Variants in KMT2C observed in about 807,000 individuals in gnomAD.
KMT2C encodes histone-lysine N-methyltransferase 2C.
In KMT2C, 88 loss-of-function variants were observed where a neutral mutation model predicts 507.9. That is an observed-to-expected ratio of 0.17 (90% CI 0.15 to 0.21). The LOEUF (loss-of-function observed/expected upper bound fraction) is 0.21. Ranked by LOEUF, KMT2C falls within the 10% of genes least tolerant of loss-of-function variation. The pLI is 1.00. For missense variants in KMT2C, 4,954 were observed against 5,957.8 expected, an observed-to-expected ratio of 0.83 and a Z score of 5.55; for synonymous variants, 2,049 against 2,080.8, an observed-to-expected ratio of 0.98 and a Z score of 0.42.
chr7:152,323,192 C>G (rs142478948), intron 3 of KMT2C, among the ~76,000 whole-genome samples: 7 of 151,988 alleles, frequency 4.6e-5, no homozygotes, highest in African/African-American at 1.7e-4. Flanking sequence ...TCCAAAGGAA[C>G]TGAAATCAAT....
chr7:152,294,618 C>A (rs2096471121), intron 6 of KMT2C, among the ~76,000 whole-genome samples: 1 of 149,886 alleles, frequency 6.7e-6, no homozygotes, highest in African/African-American at 2.5e-5. Flanking sequence ...AGCAACACAG[C>A]AAGATCCCTC....
In KMT2C at chr7:152,195,967, T is replaced by C. The variant is rs1410419397; in HGVS notation, c.4318A>G (p.Thr1440Ala). 1 of 1,610,512 alleles carries C rather than the reference T, an allele frequency of 6.2e-7. No homozygotes were observed. Among genetic ancestry groups the C allele is most frequent in the Non-Finnish European group, 8.5e-7 (1 of 1,177,590 alleles). The change falls in exon 28 of 59, where the codon ACA (threonine) becomes GCA (alanine). Residue 1440 changes from threonine to alanine, a missense_variant. Physicochemically the swap from Thr to Ala is moderately conservative, Grantham distance 58. Transcript: ENST00000262189. ...PLADISEVLN[T>A]DDDILGIISD... is the part of the protein sequence containing the mutation. Reference sequence around the variant, plus strand: ...ATTATTCCAAGAATGTCATCATCTGTGTTTAAAACTTCAGAAATATCAGCT... The same window carrying C: ...ATTATTCCAAGAATGTCATCATCTGCGTTTAAAACTTCAGAAATATCAGCT...
At chr7:152,221,648 A>T (rs2094776222) in intron 22 of KMT2C, among the ~76,000 whole-genome samples, 1 of 152,216 alleles carries the variant, frequency 6.6e-6, no homozygotes, top group East Asian at 1.9e-4. Flanking sequence ...TAATTATTTT[A>T]AAAATTAAGA....
intron 16 of KMT2C, among the ~76,000 whole-genome samples, chr7:152,232,869 T>C (rs1435908531): frequency 3.3e-5 from 5 of 152,118 alleles, no homozygotes; most frequent in Admixed American, 6.5e-5. Context: ...ATTATGGAAA[T>C]GGCTAAAATA....
At chr7:152,381,137 T>A (rs1335772834) in intron 1 of KMT2C, among the ~76,000 whole-genome samples, 1 of 152,178 alleles carries the variant, frequency 6.6e-6, no homozygotes, top group Non-Finnish European at 1.5e-5. Context: ...TTGTTCTGTT[T>A]TTAATTCACA....
chr7:152,183,183 T>A (rs1326448187), intron 34 of KMT2C, 27 bp from the exon 35 acceptor site: 14 of 1,485,900 alleles, frequency 9.4e-6, no homozygotes, highest in Non-Finnish European at 1.3e-5. Flanking sequence ...GAAAAAAATT[T>A]CCCAGATTAT....
Position 152,194,010 on chromosome 7 carries a change from C to T in KMT2C, c.4659G>A (p.Gln1553=). The change falls in exon 31 of 59, where the codon CAG becomes CAA. Residue 1553 remains glutamine (Q), a splice_region_variant and synonymous_variant. Coordinates refer to ENST00000262189, the MANE Select transcript of KMT2C (RefSeq NM_170606.3). ...TAGAATTATAAAGTCATAACATACC[C>T]TGATTGTGTATTGGCAACAGCTGTG... ...PPTQLLPIHN[Q]DAFSRMPLMN... The T allele has an allele frequency of 2.6e-6, 4 of 1,549,424 alleles. No homozygotes were observed. Among genetic ancestry groups the T allele is most frequent in the Non-Finnish European group, 3.5e-6 (4 of 1,156,572 alleles).
rs1219704561 is a variant in KMT2C, at chr7:152,223,757, G to A, written c.3323+258C>T. On this transcript the variant is annotated intron_variant, in intron 20 of 58. Transcript: ENST00000262189. ...GGAGGTTGCAGTGAGCCAAGATAGC[G>A]CCACTGCACTCCAGCCTGGTGACAG... Among the ~76,000 whole-genome samples the A allele has an allele frequency of 2.6e-5, 4 of 152,098 alleles. No homozygotes were observed. In the South Asian group the frequency reaches 6.2e-4, roughly 24 times the overall value.
chr7:152,310,922 G>A (rs1180695335), intron 5 of KMT2C, among the ~76,000 whole-genome samples: 4 of 151,972 alleles, frequency 2.6e-5, no homozygotes, highest in African/African-American at 9.7e-5. Flanking sequence ...CTGAGTTCAA[G>A]CGATCCACCT....
intron 6 of KMT2C, among the ~76,000 whole-genome samples, chr7:152,305,181 G>C (rs897798659): frequency 2.6e-5 from 4 of 152,104 alleles, no homozygotes; most frequent in African/African-American, 7.2e-5. Context: ...AATGGCACTA[G>C]TATACTAGTG....
At chr7:152,398,801 T>C (rs145489988) in intron 1 of KMT2C, among the ~76,000 whole-genome samples, 1 of 152,296 alleles carries the variant, frequency 6.6e-6, no homozygotes, top group South Asian at 2.1e-4. Flanking sequence ...TTCCACATAC[T>C]GTAAAAGGCT....
At chr7:152,201,883 G>C (rs984607583) in intron 26 of KMT2C, among the ~76,000 whole-genome samples, 1 of 152,020 alleles carries the variant, frequency 6.6e-6, no homozygotes, top group African/African-American at 2.4e-5. Flanking sequence ...ATGTTAAACA[G>C]AACAAAATCA....
At chr7:152,286,393 A>G (rs113342858) in intron 6 of KMT2C, among the ~76,000 whole-genome samples, 274 of 135,614 alleles carry the variant, frequency 2.0e-3, no homozygotes, top group African/African-American at 7.0e-3. Context: ...ACCAAAGATA[A>G]AGAGAAAATC....
rs186959788 is a variant in KMT2C at position 152,343,751 on chromosome 7, G to T, written c.251-13012C>A. 1.8e-4 allele frequency among the ~76,000 whole-genome samples: 28 copies of T among 152,162 alleles called. No individual in the cohort carries two copies. In the East Asian group the frequency reaches 5.0e-3, roughly 27 times the overall value. ...CCATGCAAGCAAGAAAAGAGGGAAT[G>T]AAATATGTAACATGTTGAGAGAAAG... On this transcript the variant is annotated intron_variant, in intron 2 of 58. Coordinates refer to ENST00000262189, the MANE Select transcript of KMT2C (RefSeq NM_170606.3).
Position 152,187,448 on chromosome 7 carries a change from C to G in KMT2C, c.4822G>C (p.Ala1608Pro), listed in dbSNP as rs373324829. 6.2e-7 allele frequency: 1 copy of G among 1,613,734 alleles called. No homozygotes were observed. Among genetic ancestry groups the G allele is most frequent in the Non-Finnish European group, 8.5e-7 (1 of 1,179,832 alleles). ...RDKNSAFNPM[A>P]SDPNNSWTSS... The stretch of plus-strand genomic sequence containing the variant: ...GTCCAAGAGTTGTTAGGATCACTTG[C>G]CATTGGATTAAAGGCTGAATTTTTA... The change falls in exon 33 of 59, where the codon GCA (alanine) becomes CCA (proline). Residue 1608 changes from alanine to proline, a missense_variant. By Grantham distance (27) the Ala-to-Pro change is conservative. Around this residue, in one of 29 missense-constraint regions of KMT2C, gnomAD observed 195 missense variants for 183.7 expected, o/e 1.06. Transcript: ENST00000262189.
intron 1 of KMT2C, among the ~76,000 whole-genome samples, chr7:152,426,418 T>C (rs888310959): frequency 6.6e-6 from 1 of 151,896 alleles, no homozygotes; most frequent in Non-Finnish European, 1.5e-5. Flanking sequence ...TAATTTTTTG[T>C]AGAGATGGGG....
At chr7:152,179,335 T>C (rs2093345509) in intron 37 of KMT2C, among the ~76,000 whole-genome samples, 1 of 152,224 alleles carries the variant, frequency 6.6e-6, no homozygotes, top group Admixed American at 6.5e-5. Context: ...GGTAGAAATT[T>C]GGAGAGAGGA....
intron 37 of KMT2C, among the ~76,000 whole-genome samples, chr7:152,179,422 T>C (rs1382938623): frequency 1.3e-5 from 2 of 152,174 alleles, no homozygotes; most frequent in Non-Finnish European, 2.9e-5. Context: ...ATAAACTGCA[T>C]CATTAAGGGT....
intron 8 of KMT2C, among the ~76,000 whole-genome samples, chr7:152,264,277 G>A (rs969278439): frequency 2.0e-5 from 3 of 152,052 alleles, no homozygotes; most frequent in Non-Finnish European, 4.4e-5. Flanking sequence ...ATGGCAGTTG[G>A]GCATAATTCT....
Sources: allele counts gnomAD v4.1 joint callset (sites outside exome capture counted in the v4.1 genomes callset), GRCh38; gene constraint gnomAD v4.1.1; regional missense constraint gnomAD v4.1.1; transcripts MANE v1.5; gene names NCBI Gene and HGNC (gene_info 2026-07-23, HGNC 2026-07-21).